Variants in PTPRD observed in about 807,000 individuals in gnomAD.
PTPRD encodes receptor-type tyrosine-protein phosphatase delta.
A neutral mutation model predicts 214.5 loss-of-function variants in PTPRD; 34 were observed. The ratio of observed to expected loss-of-function variants is 0.16; its 90% CI spans 0.12 to 0.21. The LOEUF is 0.21. PTPRD is among the 10% of genes least tolerant of loss of function. PTPRD has a pLI of 1.00. For synonymous variants in PTPRD, 1,128 were observed against 845.7 expected (o/e 1.33, Z -5.79); for missense variants, 2,545 against 2,398.7 (o/e 1.06, Z -1.27).
At chr9:9,169,048 G>A (rs1001793040) in intron 10 of PTPRD, among the ~76,000 whole-genome samples, 6 of 151,768 alleles carry the variant, frequency 4.0e-5, no homozygotes, top group South Asian at 2.1e-4. Context: ...GCTACAAAAC[G>A]TATATATAAA....
At chr9:9,842,336 A>C (rs1028987474) in intron 5 of PTPRD, among the ~76,000 whole-genome samples, 2 of 131,600 alleles carry the variant, frequency 1.5e-5, no homozygotes, top group African/African-American at 5.5e-5. Context: ...ATGGACACCA[A>C]GAAGGAAAAC....
intron 10 of PTPRD, among the ~76,000 whole-genome samples, chr9:9,076,173 A>AT (rs1201843952): frequency 1.3e-5 from 2 of 151,962 alleles, no homozygotes; most frequent in Non-Finnish European, 2.9e-5. Context: ...GATGATGAGC[A>AT]TTTTTTCATG....
chr9:8,951,460 T>G (rs1027056349), intron 11 of PTPRD, among the ~76,000 whole-genome samples: 5 of 151,938 alleles, frequency 3.3e-5, no homozygotes, highest in Non-Finnish European at 7.4e-5. Flanking sequence ...CTTCAAGCAC[T>G]GAACTTTCTA....
intron 8 of PTPRD, among the ~76,000 whole-genome samples, chr9:9,465,842 G>A (rs1311012384): frequency 2.6e-5 from 4 of 152,056 alleles, no homozygotes; most frequent in African/African-American, 4.8e-5. Context: ...CTATTGGTAA[G>A]GAGGTGGGTA....
chr9:9,217,932 G>A (rs143825837), intron 9 of PTPRD, among the ~76,000 whole-genome samples: 26 of 152,088 alleles, frequency 1.7e-4, no homozygotes, highest in Admixed American at 4.6e-4. Context: ...TATCTATGGC[G>A]TGCAATAGTT....
At chr9:8,353,431 T>A (rs994806255) in intron 39 of PTPRD, among the ~76,000 whole-genome samples, 1 of 46,538 alleles carries the variant, frequency 2.1e-5, no homozygotes, top group African/African-American at 3.8e-5. Context: ...AATGTATGAA[T>A]GAATGAATGA....
At chr9:8,690,796 A>G (rs1274152583) in intron 12 of PTPRD, among the ~76,000 whole-genome samples, 1 of 152,196 alleles carries the variant, frequency 6.6e-6, no homozygotes, top group Non-Finnish European at 1.5e-5. Flanking sequence ...AGCAACTTAA[A>G]AATATACAGG....
At chr9:10,433,597 A>T (rs2098697587) in intron 2 of PTPRD, among the ~76,000 whole-genome samples, 1 of 151,982 alleles carries the variant, frequency 6.6e-6, no homozygotes, top group African/African-American at 2.4e-5. Flanking sequence ...GAATGTTACC[A>T]CATGGAAAAC....
At chr9:9,368,247 C>A (rs766604525) in intron 9 of PTPRD, among the ~76,000 whole-genome samples, 2 of 151,782 alleles carry the variant, frequency 1.3e-5, no homozygotes, top group Non-Finnish European at 2.9e-5. Flanking sequence ...TGGGCCTTAT[C>A]TCCTTCAACT....
At chr9:10,559,100 A>G (rs931045730) in intron 2 of PTPRD, among the ~76,000 whole-genome samples, 2 of 152,158 alleles carry the variant, frequency 1.3e-5, no homozygotes, top group Admixed American at 1.3e-4. Flanking sequence ...AGTTAAATAC[A>G]GGACTTAGAA....
intron 11 of PTPRD, among the ~76,000 whole-genome samples, chr9:9,008,920 C>T: frequency 6.6e-6 from 1 of 152,040 alleles, no homozygotes; most frequent in East Asian, 1.9e-4. Flanking sequence ...AATTTTATAT[C>T]ATTGAGCTTG....
chr9:10,400,677 T>TA lies in PTPRD; in HGVS notation c.-599-59661dup, dbSNP rs1226377661. 4.6e-5 allele frequency among the ~76,000 whole-genome samples: 7 copies of TA among 151,350 alleles called. 1 individual carries two copies. Among genetic ancestry groups the TA allele is most frequent in the South Asian group, 2.1e-4 (1 of 4,812 alleles). ...TGAACTAAAATGTCAACTGAATTTC[T>TA]AAAAAAAATAATAATAATCAGAGTA... is the stretch of plus-strand genomic sequence containing the variant. On this transcript the variant is annotated intron_variant, in intron 2 of 45. Coordinates refer to ENST00000381196, the MANE Select transcript of PTPRD (RefSeq NM_002839.4).
chr9:9,543,426 T>C (rs2154275708), intron 8 of PTPRD, among the ~76,000 whole-genome samples: 1 of 151,798 alleles, frequency 6.6e-6, no homozygotes, highest in East Asian at 1.9e-4. Context: ...TTCTCTGGGC[T>C]TCACATTATA....
At chr9:8,942,600 C>G (rs922886105) in intron 11 of PTPRD, among the ~76,000 whole-genome samples, 1 of 151,944 alleles carries the variant, frequency 6.6e-6, no homozygotes, top group Non-Finnish European at 1.5e-5. Flanking sequence ...AATTCCATTG[C>G]AGTTATTAAA....
chr9:10,111,231 T>C (rs80285280), intron 3 of PTPRD, among the ~76,000 whole-genome samples: 37 of 28,028 alleles, frequency 1.3e-3, no homozygotes, highest in African/African-American at 3.2e-3. Context: ...TTTAGTTTCT[T>C]TTTTTTTTTT....
chr9:9,856,881 T>C (rs2061660196), intron 5 of PTPRD, among the ~76,000 whole-genome samples: 1 of 152,158 alleles, frequency 6.6e-6, no homozygotes, highest in East Asian at 1.9e-4. Context: ...AAGGATAAAA[T>C]GTAAAATAGA....
chr9:10,250,699 A>C (rs1279626759), intron 3 of PTPRD, among the ~76,000 whole-genome samples: 1 of 152,198 alleles, frequency 6.6e-6, no homozygotes, highest in African/African-American at 2.4e-5. Flanking sequence ...CTGGAACTAT[A>C]GGCTATATGT....
chr9:9,678,117 C>A (rs750650425), intron 7 of PTPRD, among the ~76,000 whole-genome samples: 10 of 152,034 alleles, frequency 6.6e-5, no homozygotes, highest in Non-Finnish European at 1.5e-4. Context: ...TAGGAAGAAT[C>A]AATATCGTGA....
intron 2 of PTPRD, among the ~76,000 whole-genome samples, chr9:10,480,899 T>C (rs1756763395): frequency 6.6e-6 from 1 of 152,182 alleles, no homozygotes; most frequent in South Asian, 2.1e-4. Flanking sequence ...GTATTCCTGA[T>C]AAAAATGCTT....
Sources: gnomAD v4.1 joint callset for allele counts (sites outside exome capture counted in the v4.1 genomes callset) on GRCh38, gnomAD v4.1.1 for gene constraint, MANE v1.5 for transcripts, NCBI Gene and HGNC (gene_info 2026-07-23, HGNC 2026-07-21) for gene names.